Variants in TASP1 observed in about 807,000 individuals in gnomAD.
TASP1 encodes taspase 1.
In TASP1, 16 loss-of-function variants were observed where a neutral mutation model predicts 56.6. The ratio of observed to expected loss-of-function variants is 0.28; its 90% CI spans 0.19 to 0.43. The LOEUF is 0.43. TASP1 is among the 20% of genes least tolerant of loss of function. The pLI, the probability that TASP1 is intolerant of heterozygous loss-of-function variation, is 1.00. For synonymous variants in TASP1, 179 were observed against 184.2 expected (o/e 0.97, Z 0.23); for missense variants, 393 against 511.6 (o/e 0.77, Z 2.24).
At chr20:13,250,354 C>T in the TASP1 span, among the ~76,000 whole-genome samples, 1 of 152,112 alleles carries the variant, frequency 6.6e-6, no homozygotes, top group African/African-American at 2.4e-5. Flanking sequence ...GGCTCAGAGT[C>T]GATTCAGCTT....
At chr20:13,578,843 A>G (rs1208001013) in intron 6 of TASP1, among the ~76,000 whole-genome samples, 1 of 152,124 alleles carries the variant, frequency 6.6e-6, no homozygotes, top group Non-Finnish European at 1.5e-5. Context: ...GTTAATTACT[A>G]TAGTATTATA....
chr20:13,522,916 A>T (rs2044820992), intron 10 of TASP1, among the ~76,000 whole-genome samples: 1 of 152,160 alleles, frequency 6.6e-6, no homozygotes. Context: ...TGGTCCCTGG[A>T]AGTCTATTAA....
the TASP1 span, among the ~76,000 whole-genome samples, chr20:13,218,144 C>T: frequency 6.6e-6 from 1 of 151,444 alleles, no homozygotes; most frequent in East Asian, 1.9e-4. Flanking sequence ...CCAGCTACTC[C>T]GTAAGCTGAG....
chr20:13,551,467 A>G (rs1034804166), intron 8 of TASP1, among the ~76,000 whole-genome samples: 4 of 152,186 alleles, frequency 2.6e-5, no homozygotes, highest in African/African-American at 9.7e-5. Context: ...AAATGAAGAG[A>G]AAGGAAAAAA....
intron 11 of TASP1, among the ~76,000 whole-genome samples, chr20:13,440,546 T>C (rs938765738): frequency 6.6e-6 from 1 of 152,004 alleles, no homozygotes; most frequent in Non-Finnish European, 1.5e-5. Context: ...TGAGGAAAGT[T>C]TGGAGATGAA....
chr20:13,482,140 T>C (rs1407478900), intron 11 of TASP1, among the ~76,000 whole-genome samples: 1 of 152,198 alleles, frequency 6.6e-6, no homozygotes, highest in Non-Finnish European at 1.5e-5. Flanking sequence ...TGCATATGGA[T>C]ATCCAGTTTT....
At chr20:13,487,860 T>C (rs2043383625) in intron 10 of TASP1, among the ~76,000 whole-genome samples, 1 of 152,206 alleles carries the variant, frequency 6.6e-6, no homozygotes, top group Non-Finnish European at 1.5e-5. Context: ...AATTTCTTTC[T>C]ATAAAATCTT....
At chr20:13,219,904 G>C in the TASP1 span, among the ~76,000 whole-genome samples, 2 of 152,222 alleles carry the variant, frequency 1.3e-5, no homozygotes, top group Non-Finnish European at 2.9e-5. Context: ...GTTGAATTAA[G>C]AATCTTAAAT....
intron 8 of TASP1, among the ~76,000 whole-genome samples, chr20:13,541,277 A>C (rs994949617): frequency 5.9e-5 from 9 of 152,188 alleles, no homozygotes; most frequent in African/African-American, 1.9e-4. Context: ...TCAGTAGGCC[A>C]GAAGGCTATA....
chr20:13,183,682 A>G, the TASP1 span, among the ~76,000 whole-genome samples: 6 of 152,178 alleles, frequency 3.9e-5, no homozygotes, highest in South Asian at 2.1e-4. Context: ...AAAAATAACA[A>G]TGAACAATGG....
At chr20:13,633,916 C>G (rs930291400) in intron 1 of TASP1, among the ~76,000 whole-genome samples, 1 of 151,896 alleles carries the variant, frequency 6.6e-6, no homozygotes, top group Non-Finnish European at 1.5e-5. Context: ...TTGCAATTTC[C>G]TCCTAGTAAT....
At chr20:13,299,594 T>C in the TASP1 span, 4 of 859,954 alleles carry the variant, frequency 4.7e-6, no homozygotes, top group South Asian at 3.5e-5. The surrounding 1 kb of genome is among the most constrained non-coding windows in gnomAD (Gnocchi z 5.8). Flanking sequence ...GTATTTCTCA[T>C]ACATTACGCT....
chr20:13,397,396 G>A (rs2041582078), intron 13 of TASP1, among the ~76,000 whole-genome samples: 1 of 151,764 alleles, frequency 6.6e-6, no homozygotes, highest in African/African-American at 2.4e-5. Flanking sequence ...ACAGAAAGAT[G>A]TATACTATAC....
chr20:13,441,661 T>C (rs1225776248), intron 11 of TASP1, among the ~76,000 whole-genome samples: 1 of 152,174 alleles, frequency 6.6e-6, no homozygotes, highest in Non-Finnish European at 1.5e-5. Flanking sequence ...TATCTGGACT[T>C]GTAAAAGTTA....
the TASP1 span, among the ~76,000 whole-genome samples, chr20:13,233,751 T>C: frequency 2.6e-5 from 4 of 152,206 alleles, no homozygotes; most frequent in Non-Finnish European, 5.9e-5. Context: ...GGGAAAATAC[T>C]GTCCTTCTCT....
At chr20:13,429,640 CTG>C (rs1568788377) in intron 12 of TASP1, among the ~76,000 whole-genome samples, 1 of 143,980 alleles carries the variant, frequency 6.9e-6, no homozygotes, top group Non-Finnish European at 1.5e-5. Context: ...GTGTGTCTGT[CTG>C]TGTGTGTGCC....
At chr20:13,129,448 T>C in the TASP1 span, among the ~76,000 whole-genome samples, 7 of 152,244 alleles carry the variant, frequency 4.6e-5, no homozygotes, top group African/African-American at 1.7e-4. Context: ...CTTCAAGTGT[T>C]TCTTAATGGA....
the TASP1 span, among the ~76,000 whole-genome samples, chr20:13,260,043 T>C: frequency 3.3e-5 from 5 of 152,162 alleles, no homozygotes; most frequent in Admixed American, 2.6e-4. Context: ...CTAAGCTAAG[T>C]CAAGAGCCCA....
At chr20:13,313,128 T>G in the TASP1 span, among the ~76,000 whole-genome samples, 1 of 152,164 alleles carries the variant, frequency 6.6e-6, no homozygotes. Flanking sequence ...CGCATCCAGG[T>G]CTGCCCACAG....
Sources: gnomAD v4.1 joint callset for allele counts (sites outside exome capture counted in the v4.1 genomes callset) on GRCh38, gnomAD v4.1.1 for gene constraint, Gnocchi (gnomAD v3.1) non-coding constraint, MANE v1.5 for transcripts, NCBI Gene and HGNC (gene_info 2026-07-23, HGNC 2026-07-21) for gene names.